CENATAC: variants seen among roughly 807,000 people sequenced by gnomAD.
CENATAC encodes centrosomal AT-AC splicing factor, also known as coiled-coil domain containing 84.
In CENATAC, 53 loss-of-function variants were observed where a neutral mutation model predicts 53.7. The ratio of observed to expected loss-of-function variants is 0.99; its 90% CI spans 0.79 to 1.24. CENATAC has a LOEUF of 1.24. Among genes scored for constraint, CENATAC ranks in the 50% most tolerant of loss-of-function variants. CENATAC has a pLI of 0.00. For missense variants in CENATAC, 474 were observed against 417.8 expected, an observed-to-expected ratio of 1.13 and a Z score of -1.17; for synonymous variants, 156 against 144.6, an observed-to-expected ratio of 1.08 and a Z score of -0.57.
chr11:119,008,403 G>T (rs1942706746), intron 3 of CENATAC, among the ~76,000 whole-genome samples: 1 of 152,174 alleles, frequency 6.6e-6, no homozygotes, highest in Non-Finnish European at 1.5e-5. Context: ...TAAGTTCAAG[G>T]GAAAGTACTA....
At chr11:119,012,442 T>A (rs976371225) in intron 7 of CENATAC, 188 bp downstream of exon 7, 17 of 594,672 alleles carry the variant, frequency 2.9e-5, no homozygotes, top group Admixed American at 6.2e-5. Context: ...TCACATGTAT[T>A]GACACTTAGG....
chr11:119,009,166 G>C (rs887994768), intron 3 of CENATAC, among the ~76,000 whole-genome samples: 1 of 151,934 alleles, frequency 6.6e-6, no homozygotes, highest in Non-Finnish European at 1.5e-5. Flanking sequence ...GTCTTGCTCT[G>C]TCACTGGCCT....
intron 3 of CENATAC, among the ~76,000 whole-genome samples, chr11:119,007,266 C>T (rs906651632): frequency 6.6e-6 from 1 of 152,076 alleles, no homozygotes; most frequent in African/African-American, 2.4e-5. Flanking sequence ...TCACTGCAAC[C>T]TCCGCCTCCC....
intron 7 of CENATAC, chr11:119,012,713 A>T (rs1412374743): frequency 5.9e-6 from 1 of 168,994 alleles, no homozygotes; most frequent in Non-Finnish European, 1.3e-5. Flanking sequence ...TGTACCACTT[A>T]TGATTTTACT....
intron 3 of CENATAC, chr11:119,003,980 A>G (rs910717632): frequency 6.6e-6 from 1 of 152,232 alleles, no homozygotes; most frequent in Non-Finnish European, 1.5e-5. Flanking sequence ...TGCTTGGTTC[A>G]TATGCATAGA....
intron 3 of CENATAC, among the ~76,000 whole-genome samples, chr11:118,999,649 T>TTTTTTC (rs368883695): frequency 6.6e-6 from 1 of 151,948 alleles, no homozygotes; most frequent in Non-Finnish European, 1.5e-5. Context: ...GTTTTTTTCT[T>TTTTTTC]TTTTTCTTTT....
chr11:118,998,581 AG>A lies in CENATAC; in HGVS notation c.273del (p.Glu91AspfsTer25). The A allele has an allele frequency of 6.4e-7, 1 of 1,565,158 alleles. No homozygotes were observed. The highest frequency in any genetic ancestry group is 8.7e-7 in the Non-Finnish European group (1 of 1,154,152). On this transcript the variant is annotated frameshift_variant, in exon 2 of 11. Coordinates refer to ENST00000334418, the MANE Select transcript of CENATAC (RefSeq NM_198489.3). LOFTEE classifies it high-confidence loss of function. Reference protein sequence around the residue: ...NLTVLYGGLLEHLASPEHKKA... With the variant: ...NLTVLYGGLLXHLASPEHKKA... ...ACGGTGCTGTACGGGGGGCTGCTGGAGCATCTGGCCAGGTGAGAGCCGAGCT... is the reference window on the plus strand; with the variant it reads ...ACGGTGCTGTACGGGGGGCTGCTGGACATCTGGCCAGGTGAGAGCCGAGCT...
chr11:119,008,549 T>C (rs571608109), intron 3 of CENATAC, among the ~76,000 whole-genome samples: 2 of 152,202 alleles, frequency 1.3e-5, no homozygotes, highest in East Asian at 3.9e-4. Flanking sequence ...CATCTCAGAG[T>C]TGAACAAATG....
chr11:119,015,664 C>T lies in CENATAC; in HGVS notation c.*66C>T. 2.0e-6 allele frequency: 3 copies of T among 1,497,000 alleles called. No individual in the cohort carries two copies. The highest frequency in any genetic ancestry group is 2.3e-5 in the East Asian group (1 of 44,006). 92.7% of individuals were successfully genotyped at this position (1,497,000 alleles called of 1,614,324 possible). Reference sequence around the variant, plus strand: ...CAACAAACCCCTATTATACCTTCCACCAAATTCTTTATCATTGTCTTTCTT... The same window carrying T: ...CAACAAACCCCTATTATACCTTCCATCAAATTCTTTATCATTGTCTTTCTT... On this transcript the variant is annotated 3_prime_UTR_variant, in exon 11 of 11. Transcript: ENST00000334418.
chr11:119,007,341 G>C (rs1004272516), intron 3 of CENATAC, among the ~76,000 whole-genome samples: 3 of 151,972 alleles, frequency 2.0e-5, no homozygotes, highest in South Asian at 2.1e-4. Flanking sequence ...GTGCCACCAC[G>C]CCCGGCTCAT....
At position 119,011,695 on chromosome 11, in the gene CENATAC, TCTGA is replaced by T. The variant is rs200023524; in HGVS notation, c.514-240_514-237del. Reference sequence around the variant, plus strand: ...CATGAACCAGTGCTTCTAAGAGAACTCTGACTGCATTCTCATCTGCTTGGCTTGA... The same window carrying T: ...CATGAACCAGTGCTTCTAAGAGAACTCTGCATTCTCATCTGCTTGGCTTGA... On this transcript the variant is annotated intron_variant, in intron 5 of 10. Transcript: ENST00000334418. Among the ~76,000 whole-genome samples the T allele has an allele frequency of 1.6e-3, 238 of 152,098 alleles. 5 individuals are homozygous for T. In the East Asian group the frequency reaches 0.039, roughly 25 times the overall value.
intron 3 of CENATAC, among the ~76,000 whole-genome samples, chr11:118,999,861 C>G (rs188249392): frequency 6.6e-6 from 1 of 152,206 alleles, no homozygotes; most frequent in Non-Finnish European, 1.5e-5. Context: ...CCAGGATGGT[C>G]TCGATCTCCT....
At chr11:119,011,403 T>G (rs891942619) in intron 5 of CENATAC, 120 bp downstream of exon 5, 1 of 913,928 alleles carries the variant, frequency 1.1e-6, no homozygotes. Flanking sequence ...AGACAGAGTT[T>G]CGCTGTGTCA....
chr11:119,015,119 C>G, intron 9 of CENATAC, 36 bp downstream of exon 9: 1 of 1,546,800 alleles, frequency 6.5e-7, no homozygotes, highest in Non-Finnish European at 8.9e-7. Flanking sequence ...TCGTCTAAAT[C>G]TTCACACTCA....
At chr11:119,014,949 C>T (rs1459487537) in intron 8 of CENATAC, 45 bp from the exon 9 acceptor site, 1 of 1,271,582 alleles carries the variant, frequency 7.9e-7, no homozygotes. Flanking sequence ...TCACAATAGC[C>T]TGAAGACTTA....
At chr11:119,013,070 T>C (rs1942949326) in intron 7 of CENATAC, 162 bp from the exon 8 acceptor site, 1 of 585,182 alleles carries the variant, frequency 1.7e-6, no homozygotes, top group South Asian at 2.3e-5. Flanking sequence ...AGTGACTTAC[T>C]GTGCTTTCAA....
intron 6 of CENATAC, 29 bp downstream of exon 6, chr11:119,012,032 G>C: frequency 6.2e-7 from 1 of 1,613,742 alleles, no homozygotes; most frequent in Non-Finnish European, 8.5e-7. Context: ...CTCTTGTTGG[G>C]AATTTGACAT....
chr11:119,002,201 G>A (rs367583594), intron 3 of CENATAC, among the ~76,000 whole-genome samples: 7 of 121,024 alleles, frequency 5.8e-5, no homozygotes, highest in African/African-American at 2.3e-4. Flanking sequence ...TGCAGCCTGG[G>A]CAACAAGAGC....
Position 118,998,209 on chromosome 11 carries a change from G to T in CENATAC, c.12G>T (p.Ala4=). The part of the protein sequence containing the change: MAP[A]QRCPLCRQTF... ...CGGGTACCCGGGCTATGGCGCCGGCGCAGCGCTGCCCTCTGTGCCGCCAGA... is the reference window on the plus strand; with the variant it reads ...CGGGTACCCGGGCTATGGCGCCGGCTCAGCGCTGCCCTCTGTGCCGCCAGA... Residue 4 remains alanine, a synonymous_variant, in exon 1 of 11, where the codon GCG becomes GCT. Coordinates refer to ENST00000334418, the MANE Select transcript of CENATAC (RefSeq NM_198489.3). 1 of 1,581,026 alleles carries T rather than the reference G, an allele frequency of 6.3e-7. No homozygotes were observed.
Sources: allele counts gnomAD v4.1 joint callset (sites outside exome capture counted in the v4.1 genomes callset), GRCh38; gene constraint gnomAD v4.1.1; transcripts MANE v1.5; gene names NCBI Gene and HGNC (gene_info 2026-07-23, HGNC 2026-07-21).